The following ITSN1 variants were observed in gnomAD, a reference collection of about 807,000 sequenced individuals.
The protein encoded by ITSN1 is intersectin-1.
ITSN1 carries 58 observed loss-of-function variants against 239.8 expected under a neutral mutation model. The ratio of observed to expected loss-of-function variants is 0.24; its 90% CI spans 0.20 to 0.30. ITSN1 has a LOEUF of 0.30. Among genes scored for constraint, ITSN1 ranks in the 10% least tolerant of loss-of-function variants. The pLI, the probability that ITSN1 is intolerant of heterozygous loss-of-function variation, is 1.00. For missense variants in ITSN1, 1,558 were observed against 2,103.3 expected, an observed-to-expected ratio of 0.74 and a Z score of 5.07; for synonymous variants, 780 against 770.8, an observed-to-expected ratio of 1.01 and a Z score of -0.20.
chr21:33,655,894 T>G (rs2089026625), intron 1 of ITSN1, among the ~76,000 whole-genome samples: 1 of 152,076 alleles, frequency 6.6e-6, no homozygotes, highest in South Asian at 2.1e-4. Context: ...TAAGTTTAAG[T>G]AGTCCACTAT....
chr21:33,686,325 T>A (rs2091233792), intron 1 of ITSN1, among the ~76,000 whole-genome samples: 1 of 152,142 alleles, frequency 6.6e-6, no homozygotes, highest in Non-Finnish European at 1.5e-5. Context: ...TTTTTCTCAA[T>A]TTGTGTTTTT....
At position 33,774,994 on chromosome 21, in the gene ITSN1, G is replaced by C; in HGVS notation, c.1482G>C (p.Gly494=). 1 of 1,613,048 alleles carries C rather than the reference G, an allele frequency of 6.2e-7. No homozygotes were observed. The highest frequency in any genetic ancestry group is 8.5e-7 in the Non-Finnish European group (1 of 1,179,414). ...ATGATAAAAAGCATCAACTAGAAGGGAAACTTCAAGATATCAGATGTCGAT... is the reference window on the plus strand; with the variant it reads ...ATGATAAAAAGCATCAACTAGAAGGCAAACTTCAAGATATCAGATGTCGAT... ...ALNDKKHQLE[G]KLQDIRCRLT... The change falls in exon 14 of 40, where the codon GGG becomes GGC. Residue 494 remains glycine (G), a synonymous_variant. Coordinates refer to ENST00000381318, the MANE Select transcript of ITSN1 (RefSeq NM_003024.3).
chr21:33,741,146 G>T (rs374442530), intron 5 of ITSN1, among the ~76,000 whole-genome samples: 1 of 152,170 alleles, frequency 6.6e-6, no homozygotes, highest in Non-Finnish European at 1.5e-5. Context: ...AAGGTTAACT[G>T]GTTGCGCAGT....
At chr21:33,786,097 C>T (rs2070655912) in intron 16 of ITSN1, among the ~76,000 whole-genome samples, 2 of 152,148 alleles carry the variant, frequency 1.3e-5, no homozygotes. Context: ...TTATGCTGCC[C>T]TTGCTATGCA....
In ITSN1 at chr21:33,865,153, C is replaced by A; in HGVS notation, c.3893C>A (p.Ala1298Glu). 6.2e-7 allele frequency: 1 copy of A among 1,612,646 alleles called. No individual in the cohort carries two copies. The highest frequency in any genetic ancestry group is 8.5e-7 in the Non-Finnish European group (1 of 1,179,326). ...TCACCTCCCGTGTTTCCGTGCAGAG[C>A]GCTGAGAGTCCGCAAGAAGATGTCC... is the stretch of plus-strand genomic sequence containing the variant. Reference protein sequence around the residue: ...LIMCNIKLLKALRVRKKMSGE... With the variant: ...LIMCNIKLLKELRVRKKMSGE... The change falls in exon 32 of 40, where the codon GCG becomes GAG. Residue 1298 changes from alanine (A) to glutamate (E), a missense_variant and splice_region_variant. Coordinates refer to ENST00000381318, the MANE Select transcript of ITSN1 (RefSeq NM_003024.3). The surrounding 1 kb of genome is among the most constrained non-coding windows in gnomAD (Gnocchi z 4.4).
chr21:33,703,002 G>C (rs1327581744), intron 1 of ITSN1, among the ~76,000 whole-genome samples: 8 of 151,938 alleles, frequency 5.3e-5, no homozygotes, highest in Non-Finnish European at 1.2e-4. Flanking sequence ...GCTTGAACTT[G>C]GGAGATGGTG....
intron 10 of ITSN1, 35 bp downstream of exon 10, chr21:33,766,047 C>T (rs747441208): frequency 1.6e-5 from 25 of 1,610,008 alleles, no homozygotes; most frequent in East Asian, 4.5e-5. Context: ...GAATTGTATG[C>T]GGAGTATATG....
intron 1 of ITSN1, among the ~76,000 whole-genome samples, chr21:33,654,067 C>G (rs959493894): frequency 6.6e-6 from 1 of 151,526 alleles, no homozygotes; most frequent in Non-Finnish European, 1.5e-5. Flanking sequence ...TCTTCTTTCT[C>G]TCTTTTGTCT....
At chr21:33,769,383 T>C (rs995697395) in intron 11 of ITSN1, among the ~76,000 whole-genome samples, 1 of 152,178 alleles carries the variant, frequency 6.6e-6, no homozygotes, top group African/African-American at 2.4e-5. Context: ...GTATAGAGAC[T>C]TGGAGAGTTT....
chr21:33,779,295 A>T lies in ITSN1; in HGVS notation c.1597-2166A>T, dbSNP rs1349950833. ...GATTTTGGACCTTTCATCATTTTTG[A>T]TACAAACATTTTAAGCTTTAAATGT... On this transcript the variant is annotated intron_variant, in intron 14 of 39. Transcript: ENST00000381318. 2.6e-5 allele frequency among the ~76,000 whole-genome samples: 4 copies of T among 152,188 alleles called. No individual in the cohort carries two copies. In the South Asian group the frequency reaches 6.2e-4, roughly 24 times the overall value.
intron 24 of ITSN1, 57 bp from the exon 25 acceptor site, chr21:33,823,430 C>T: frequency 6.6e-7 from 1 of 1,507,752 alleles, no homozygotes; most frequent in Non-Finnish European, 9.1e-7. Flanking sequence ...GCAAAGCTGT[C>T]TGGGATTTCT....
At chr21:33,828,051 G>C (rs1271141454) in intron 26 of ITSN1, among the ~76,000 whole-genome samples, 2 of 152,238 alleles carry the variant, frequency 1.3e-5, no homozygotes, top group East Asian at 1.9e-4. Context: ...TTAAGTGTAA[G>C]TTTTCTAAGT....
At chr21:33,657,078 A>G (rs996371216) in intron 1 of ITSN1, among the ~76,000 whole-genome samples, 1 of 151,970 alleles carries the variant, frequency 6.6e-6, no homozygotes, top group Non-Finnish European at 1.5e-5. Flanking sequence ...CAGGTTTGCT[A>G]TGTAGGTTTA....
At chr21:33,874,753 A>G (rs905659972) in intron 33 of ITSN1, among the ~76,000 whole-genome samples, 2 of 148,638 alleles carry the variant, frequency 1.3e-5, no homozygotes, top group African/African-American at 5.0e-5. Flanking sequence ...GGTTCAAGCG[A>G]TTCTTCTGCC....
chr21:33,872,887 A>G (rs1282949437), intron 33 of ITSN1, among the ~76,000 whole-genome samples: 1 of 152,236 alleles, frequency 6.6e-6, no homozygotes, highest in Admixed American at 6.5e-5. Flanking sequence ...ACATTGTACA[A>G]TATTACTTTT....
chr21:33,874,769 C>T (rs1001390069), intron 33 of ITSN1, among the ~76,000 whole-genome samples: 1 of 151,694 alleles, frequency 6.6e-6, no homozygotes, highest in Non-Finnish European at 1.5e-5. Flanking sequence ...CTGCCTCAGC[C>T]CCCCGAGTAG....
chr21:33,750,845 A>T (rs1344452582), intron 6 of ITSN1, among the ~76,000 whole-genome samples: 1 of 152,204 alleles, frequency 6.6e-6, no homozygotes, highest in Non-Finnish European at 1.5e-5. Context: ...CCACTTTGAG[A>T]CTTTATTAAG....
chr21:33,832,989 G>C (rs2074383171), intron 27 of ITSN1, among the ~76,000 whole-genome samples: 1 of 152,032 alleles, frequency 6.6e-6, no homozygotes, highest in African/African-American at 2.4e-5. Flanking sequence ...GTTTCGATCA[G>C]AGCCTTGTTT....
At chr21:33,740,233 A>G (rs1454222801) in intron 5 of ITSN1, among the ~76,000 whole-genome samples, 1 of 152,168 alleles carries the variant, frequency 6.6e-6, no homozygotes, top group Non-Finnish European at 1.5e-5. Context: ...AGGGATGACT[A>G]CGTTTGACTG....
Sources: allele counts gnomAD v4.1 joint callset (sites outside exome capture counted in the v4.1 genomes callset), GRCh38; gene constraint gnomAD v4.1.1; non-coding constraint Gnocchi (gnomAD v3.1); transcripts MANE v1.5; gene names NCBI Gene and HGNC (gene_info 2026-07-23, HGNC 2026-07-21).